Variants in LRRC4C observed in about 807,000 individuals in gnomAD.
LRRC4C encodes the protein leucine rich repeat containing 4C.
Under a neutral mutation model 33.6 loss-of-function variants are expected in LRRC4C, and 5 were observed. The ratio of observed to expected loss-of-function variants is 0.15; its 90% CI spans 0.08 to 0.31. The LOEUF is 0.31. LRRC4C is among the 10% of genes least tolerant of loss of function. LRRC4C has a pLI of 1.00. For missense variants in LRRC4C, 560 were observed against 796.7 expected, an observed-to-expected ratio of 0.70 and a Z score of 3.58; for synonymous variants, 329 against 302.0, an observed-to-expected ratio of 1.09 and a Z score of -0.93.
chr11:40,198,582 T>C (rs982546745), intron 5 of LRRC4C, among the ~76,000 whole-genome samples: 2 of 152,228 alleles, frequency 1.3e-5, no homozygotes, highest in Non-Finnish European at 2.9e-5. Context: ...ATTTTGAAGC[T>C]CAAATAAAGT....
chr11:41,433,948 A>G (rs1302784074), intron 1 of LRRC4C, among the ~76,000 whole-genome samples: 2 of 152,032 alleles, frequency 1.3e-5, no homozygotes, highest in Non-Finnish European at 2.9e-5. Context: ...TACATTTATG[A>G]TAGCTTTCTC....
chr11:40,612,075 TG>T (rs1961281008), intron 3 of LRRC4C, among the ~76,000 whole-genome samples: 2 of 151,782 alleles, frequency 1.3e-5, no homozygotes, highest in South Asian at 4.1e-4. Context: ...GATCTCAAAA[TG>T]ATATTTGCAC....
chr11:40,922,091 C>T (rs1007339436), intron 2 of LRRC4C, among the ~76,000 whole-genome samples: 5 of 152,060 alleles, frequency 3.3e-5, no homozygotes, highest in African/African-American at 1.2e-4. Context: ...TAATTTTACT[C>T]AGTTTAGGGG....
At chr11:41,058,643 G>A (rs943080474) in intron 1 of LRRC4C, among the ~76,000 whole-genome samples, 2 of 152,232 alleles carry the variant, frequency 1.3e-5, no homozygotes, top group Non-Finnish European at 2.9e-5. Context: ...GTGGAATGTA[G>A]TTTGGTGATT....
intron 1 of LRRC4C, among the ~76,000 whole-genome samples, chr11:41,233,544 G>T (rs571907573): frequency 6.6e-6 from 1 of 151,820 alleles, no homozygotes; most frequent in African/African-American, 2.4e-5. Context: ...ACATAAAAAC[G>T]CCTAGAAGAA....
chr11:40,116,013 T>C lies in LRRC4C; in HGVS notation c.280A>G (p.Asn94Asp). Reference sequence around the variant, plus strand: ...AAGTGTCTCAAGTGCTTGAAGCTGTTCACTTTGATGATCTGGATTTGGTTC... The same window carrying C: ...AAGTGTCTCAAGTGCTTGAAGCTGTCCACTTTGATGATCTGGATTTGGTTC... The part of the protein sequence containing the change: ...HENQIQIIKV[N>D]SFKHLRHLEI... The change falls in exon 7 of 7, where the codon AAC (asparagine) becomes GAC (aspartate). Residue 94 changes from asparagine (N) to aspartate (D), a missense_variant. Asn to Asp is a conservative substitution (Grantham distance 23). Coordinates refer to ENST00000528697, the MANE Select transcript of LRRC4C (RefSeq NM_001258419.2). The C allele has an allele frequency of 6.2e-7, 1 of 1,614,112 alleles. No homozygotes were observed. Among genetic ancestry groups the C allele is most frequent in the South Asian group, 1.1e-5 (1 of 91,076 alleles).
At chr11:40,566,298 T>G (rs1322280684) in intron 3 of LRRC4C, among the ~76,000 whole-genome samples, 1 of 151,866 alleles carries the variant, frequency 6.6e-6, no homozygotes, top group Non-Finnish European at 1.5e-5. Flanking sequence ...TATTAAAACT[T>G]CAGCAAAATT....
At chr11:40,560,056 A>G (rs1450355765) in intron 3 of LRRC4C, among the ~76,000 whole-genome samples, 3 of 152,138 alleles carry the variant, frequency 2.0e-5, no homozygotes, top group Non-Finnish European at 4.4e-5. Context: ...AGCCCATTTT[A>G]TTTTAAGATC....
intron 1 of LRRC4C, among the ~76,000 whole-genome samples, chr11:41,150,237 A>G (rs1418356720): frequency 6.6e-6 from 1 of 152,216 alleles, no homozygotes; most frequent in Non-Finnish European, 1.5e-5. Context: ...AAAAACTGCT[A>G]GTGTATTCTA....
At chr11:41,325,701 C>A (rs546872857) in intron 1 of LRRC4C, among the ~76,000 whole-genome samples, 4 of 150,556 alleles carry the variant, frequency 2.7e-5, no homozygotes, top group South Asian at 4.2e-4. Flanking sequence ...ACAACAACAA[C>A]AAAACAACAA....
intron 6 of LRRC4C, among the ~76,000 whole-genome samples, chr11:40,137,504 C>A (rs1857063066): frequency 6.6e-6 from 1 of 152,120 alleles, no homozygotes; most frequent in African/African-American, 2.4e-5. Flanking sequence ...AACAGGATTG[C>A]AAGAGACTAC....
chr11:40,871,503 T>C (rs1307037774), intron 2 of LRRC4C, among the ~76,000 whole-genome samples: 1 of 152,120 alleles, frequency 6.6e-6, no homozygotes, highest in African/African-American at 2.4e-5. Flanking sequence ...TACGTGACTA[T>C]TGTGGGCAGG....
intron 3 of LRRC4C, among the ~76,000 whole-genome samples, chr11:40,518,326 C>A (rs903316653): frequency 2.0e-5 from 3 of 152,066 alleles, no homozygotes; most frequent in Non-Finnish European, 4.4e-5. Flanking sequence ...AACAGGCAAC[C>A]TACAGAATGG....
intron 1 of LRRC4C, among the ~76,000 whole-genome samples, chr11:41,422,259 C>T (rs1259502480): frequency 1.3e-5 from 2 of 151,906 alleles, no homozygotes; most frequent in Non-Finnish European, 2.9e-5. Context: ...CTGAGCTCTT[C>T]CCGACCCCAG....
At chr11:40,666,029 C>A (rs59442691) in intron 2 of LRRC4C, among the ~76,000 whole-genome samples, 6,030 of 151,796 alleles carry the variant, frequency 0.04, 395 homozygotes, top group African/African-American at 0.14. Flanking sequence ...GGTGTGTGTT[C>A]ATGTGTACAG....
intron 1 of LRRC4C, among the ~76,000 whole-genome samples, chr11:41,082,952 G>A (rs1939689317): frequency 6.6e-6 from 1 of 152,094 alleles, no homozygotes; most frequent in Non-Finnish European, 1.5e-5. Context: ...TGGTTTGGCT[G>A]ATAAATTATA....
intron 1 of LRRC4C, among the ~76,000 whole-genome samples, chr11:40,950,159 T>C (rs1473986765): frequency 1.3e-5 from 2 of 151,690 alleles, no homozygotes; most frequent in East Asian, 3.9e-4. Flanking sequence ...CTCAGAATCA[T>C]AAGAGCACTG....
chr11:41,324,675 G>A (rs1175982646), intron 1 of LRRC4C, among the ~76,000 whole-genome samples: 1 of 152,142 alleles, frequency 6.6e-6, no homozygotes, highest in African/African-American at 2.4e-5. Context: ...ACCCAAAATT[G>A]TCATAAAGCC....
At chr11:40,413,231 G>A (rs982220980) in intron 3 of LRRC4C, among the ~76,000 whole-genome samples, 12 of 151,964 alleles carry the variant, frequency 7.9e-5, no homozygotes, top group Admixed American at 7.9e-4. Flanking sequence ...GAAAGGCCTA[G>A]CAGGAAGAAG....
Sources: allele counts gnomAD v4.1 joint callset (sites outside exome capture counted in the v4.1 genomes callset), GRCh38; gene constraint gnomAD v4.1.1; transcripts MANE v1.5; gene names NCBI Gene and HGNC (gene_info 2026-07-23, HGNC 2026-07-21).